PDE4C: variants seen among roughly 807,000 people sequenced by gnomAD.
The protein encoded by PDE4C is 3',5'-cyclic-AMP phosphodiesterase 4C.
Under a neutral mutation model 63.9 loss-of-function variants are expected in PDE4C, and 50 were observed. The ratio of observed to expected loss-of-function variants is 0.78; its 90% CI spans 0.62 to 0.99. The LOEUF (loss-of-function observed/expected upper bound fraction) is 0.99. PDE4C is among the 50% of genes least tolerant of loss of function. PDE4C has a pLI of 0.00. For missense variants in PDE4C, 777 were observed against 899.1 expected (o/e 0.86, Z 1.74); for synonymous variants, 377 against 385.1 (o/e 0.98, Z 0.25).
chr19:18,225,121 G>T (rs567961142), intron 1 of PDE4C, among the ~76,000 whole-genome samples: 3 of 152,190 alleles, frequency 2.0e-5, no homozygotes, highest in Non-Finnish European at 4.4e-5. Flanking sequence ...AGCCGGGAGC[G>T]GCGGGGTCAG....
At chr19:18,226,792 G>A (rs967261117), upstream of PDE4C, among the ~76,000 whole-genome samples, 3 of 151,918 alleles carry the variant, frequency 2.0e-5, no homozygotes, top group Non-Finnish European at 2.9e-5. Flanking sequence ...CTGGAGAGAT[G>A]GGGGTGTCTC....
Position 18,246,108 on chromosome 19 carries a change from C to T in PDE4C, c.-210+2063G>A, listed in dbSNP as rs568330410. ...TTGGCTCACTGCAACCCCTGCCTTC[C>T]GGGTTCAAGCGATCCTCCTGCCTCA... On this transcript the variant is annotated intron_variant, in intron 1 of 15. Coordinates refer to the PDE4C transcript ENST00000594617. 1.2e-3 allele frequency among the ~76,000 whole-genome samples: 185 copies of T among 150,814 alleles called. 1 individual carries two copies. The highest frequency in any genetic ancestry group is 4.0e-3 in the African/African-American group (164 of 40,964).
chr19:18,213,265 C>G, intron 13 of PDE4C, 103 bp downstream of exon 13: 2 of 1,048,500 alleles, frequency 1.9e-6, no homozygotes, highest in South Asian at 1.9e-5. Context: ...GCCTGGGCGA[C>G]AGAGTGAGAC....
chr19:18,222,405 T>C, intron 1 of PDE4C, 82 bp from the exon 2 acceptor site: 1 of 1,277,806 alleles, frequency 7.8e-7, no homozygotes, highest in Non-Finnish European at 1.1e-6. Flanking sequence ...TGGTGCGTCC[T>C]CCCTGGGGCT....
intron 1 of PDE4C, 33 bp from the exon 2 acceptor site, chr19:18,222,356 G>T: frequency 1.3e-6 from 2 of 1,584,006 alleles, no homozygotes; most frequent in Non-Finnish European, 1.7e-6. Flanking sequence ...CAGAGACGAG[G>T]GTCATGACAA....
chr19:18,221,921 C>T (rs918720618), intron 2 of PDE4C, among the ~76,000 whole-genome samples: 3 of 152,188 alleles, frequency 2.0e-5, no homozygotes, highest in Admixed American at 6.5e-5. Context: ...CCACCGTGCC[C>T]GGCCGACCTT....
intron 1 of PDE4C, among the ~76,000 whole-genome samples, chr19:18,242,142 G>A (rs1002846218): frequency 3.3e-5 from 5 of 152,180 alleles, no homozygotes; most frequent in East Asian, 1.9e-4. Context: ...CAGCACCTGC[G>A]AAGGCCCGGA....
chr19:18,211,326 C>A, intron 14 of PDE4C, 50 bp from the exon 15 acceptor site: 2 of 1,452,186 alleles, frequency 1.4e-6, no homozygotes, highest in South Asian at 1.4e-5. Context: ...ACAGTGAACC[C>A]TAGACTCAAT....
At chr19:18,251,523 C>T (rs934471201), upstream of PDE4C, among the ~76,000 whole-genome samples, 9 of 151,960 alleles carry the variant, frequency 5.9e-5, no homozygotes, top group Admixed American at 2.6e-4. Context: ...CAACCTCTGC[C>T]GCCTGGGTTC....
At chr19:18,248,605 A>G (rs1426944755), upstream of PDE4C, among the ~76,000 whole-genome samples, 1 of 150,944 alleles carries the variant, frequency 6.6e-6, no homozygotes. Flanking sequence ...GAAGGGGGGG[A>G]TTTTATCAAC....
At chr19:18,226,975 C>T (rs1005339), upstream of PDE4C, among the ~76,000 whole-genome samples, 26 of 152,184 alleles carry the variant, frequency 1.7e-4, 1 homozygote, top group East Asian at 2.9e-3. Flanking sequence ...TTCCTCGGCA[C>T]GTCCCTGGTT....
At chr19:18,228,503 G>A (rs1968787925), upstream of PDE4C, among the ~76,000 whole-genome samples, 1 of 152,154 alleles carries the variant, frequency 6.6e-6, no homozygotes. Context: ...ATTTGAACCC[G>A]GACAGGTAGT....
chr19:18,245,908 A>G (rs1019428891), intron 1 of PDE4C, among the ~76,000 whole-genome samples: 1 of 151,922 alleles, frequency 6.6e-6, no homozygotes, highest in African/African-American at 2.4e-5. Context: ...CAGTGGCGCA[A>G]TCTCAGCTCA....
chr19:18,221,441 T>C, intron 2 of PDE4C, 144 bp from the exon 3 acceptor site: 2 of 726,894 alleles, frequency 2.8e-6, no homozygotes, highest in South Asian at 3.8e-5. Context: ...CTCATGCGAC[T>C]CTCCCTGAGA....
chr19:18,216,183 C>T (rs868164230), intron 12 of PDE4C, among the ~76,000 whole-genome samples: 8 of 151,386 alleles, frequency 5.3e-5, no homozygotes, highest in African/African-American at 1.7e-4. Flanking sequence ...ACCCCAGAAA[C>T]GGTTTCCACA....
In PDE4C at chr19:18,220,564, C is replaced by T; in HGVS notation, c.500-49G>A. On this transcript the variant is annotated intron_variant, in intron 5 of 14. Transcript: ENST00000262805. The surrounding 1 kb of genome is among the most constrained non-coding windows in gnomAD (Gnocchi z 5.1). ...CCTGCCCAACCCCCCCGCTCAGGGA[C>T]CCCACGCCTCTCGCGACTTCGTCTC... is the stretch of plus-strand genomic sequence containing the variant. 1.3e-6 allele frequency: 2 copies of T among 1,495,582 alleles called. No individual in the cohort carries two copies. The highest frequency in any genetic ancestry group is 1.8e-6 in the Non-Finnish European group (2 of 1,082,146). The allele number at this position is 1,495,582 out of a possible 1,614,324, so 92.6% of individuals were successfully genotyped here. A position where few individuals can be genotyped will look rare whatever the true frequency, so the allele number is the denominator to read the frequency against.
exon 10 of PDE4C, chr19:18,218,338 A>G: frequency 6.2e-7 from 1 of 1,614,216 alleles, no homozygotes; most frequent in Non-Finnish European, 8.5e-7. Flanking sequence ...CAGTACCTCG[A>G]GGGCGGGCGT....
intron 1 of PDE4C, among the ~76,000 whole-genome samples, chr19:18,243,341 C>T (rs545696046): frequency 9.9e-5 from 15 of 152,216 alleles, no homozygotes; most frequent in Admixed American, 4.6e-4. Context: ...CTCCTGACCT[C>T]ACGGGATCCA....
chr19:18,222,048 G>T, intron 2 of PDE4C, 84 bp downstream of exon 2: 1 of 1,174,974 alleles, frequency 8.5e-7, no homozygotes, highest in South Asian at 1.5e-5. Context: ...TCCTTAAATG[G>T]CTATTTGAAG....
Sources: gnomAD v4.1 joint callset for allele counts (sites outside exome capture counted in the v4.1 genomes callset) on GRCh38, gnomAD v4.1.1 for gene constraint, Gnocchi (gnomAD v3.1) non-coding constraint, MANE v1.5 for transcripts, NCBI Gene and HGNC (gene_info 2026-07-23, HGNC 2026-07-21) for gene names.